Variants in DST observed in about 807,000 individuals in gnomAD.
DST encodes dystonin.
Under a neutral mutation model 875.2 loss-of-function variants are expected in DST, and 253 were observed. The observed-to-expected ratio is 0.29, with a 90% CI of 0.26 to 0.32. The LOEUF (loss-of-function observed/expected upper bound fraction) is 0.32, where lower values mean the gene tolerates loss of function less well. Ranked by LOEUF, DST falls within the 10% of genes least tolerant of loss-of-function variation. DST has a pLI of 1.00. For synonymous variants in DST, 3,124 were observed against 3,197.1 expected (o/e 0.98, Z 0.77); for missense variants, 8,287 against 9,111.6 (o/e 0.91, Z 3.68).
chr6:56,935,387 A>G (rs920279907), intron 2 of DST, among the ~76,000 whole-genome samples: 3 of 152,262 alleles, frequency 2.0e-5, no homozygotes, highest in Non-Finnish European at 4.4e-5. Context: ...CTCACTGCAG[A>G]GTGGGCAGTA....
rs141523606 is a variant in DST, at chr6:56,639,763, G to A, written c.2630C>T (p.Thr877Ile). ...KEAKISEIQM[T>I]APLKLTYAEK... ...TGCATAAGTCAGTTTAAGAGGTGCT[G>A]TCATTTGAATCTATAACATGAGATT... is the stretch of plus-strand genomic sequence containing the variant. Residue 877 changes from threonine to isoleucine, a missense_variant, in exon 20 of 104, where the codon ACA becomes ATA. Thr to Ile is a moderately conservative substitution (Grantham distance 89). This residue lies in a region of DST where 1,160 missense variants were observed against 1,424.3 expected (regional missense o/e 0.81). Transcript: ENST00000680361. The A allele has an allele frequency of 1.7e-4, 282 of 1,613,452 alleles. 1 individual carries two copies. In the East Asian group the frequency reaches 3.7e-3, roughly 21 times the overall value.
chr6:56,851,335 T>G (rs1765127932), intron 4 of DST, 62 bp downstream of exon 4: 9 of 1,486,446 alleles, frequency 6.1e-6, no homozygotes, highest in Non-Finnish European at 8.3e-6. Context: ...CCCCAGGAGG[T>G]AGATGGGCGA....
intron 4 of DST, among the ~76,000 whole-genome samples, chr6:56,787,862 G>A (rs1241092621): frequency 6.6e-6 from 1 of 151,956 alleles, no homozygotes; most frequent in African/African-American, 2.4e-5. Context: ...TTTGAGGCTG[G>A]GTGTGGTGGC....
chr6:56,470,381 C>T (rs574701237), intron 95 of DST, 99 bp from the exon 96 acceptor site: 551 of 943,146 alleles, frequency 5.8e-4, no homozygotes, highest in Non-Finnish European at 6.9e-4. Context: ...GTTAAATCAT[C>T]AGTGATCAAA....
intron 95 of DST, 35 bp from the exon 96 acceptor site, chr6:56,470,317 G>GAC (rs2094819422): frequency 6.6e-7 from 1 of 1,524,620 alleles, no homozygotes; most frequent in East Asian, 2.3e-5. Flanking sequence ...GTAGTGACTT[G>GAC]TTAGTTCTTT....
chr6:56,652,361 A>G (rs2098981071), intron 10 of DST, among the ~76,000 whole-genome samples: 1 of 152,232 alleles, frequency 6.6e-6, no homozygotes, highest in South Asian at 2.1e-4. Flanking sequence ...ATGTGGAAAC[A>G]GGAAAGCCTT....
intron 15 of DST, among the ~76,000 whole-genome samples, chr6:56,643,407 C>A (rs1425367865): frequency 6.6e-6 from 1 of 152,128 alleles, no homozygotes; most frequent in Non-Finnish European, 1.5e-5. Flanking sequence ...ATCCATTTAC[C>A]TTTCTTTATA....
At position 56,625,190 on chromosome 6, in the gene DST, T is replaced by G. The variant is rs764979351; in HGVS notation, c.4797A>C (p.Arg1599Ser). The change falls in exon 35 of 104, where the codon AGA becomes AGC. Residue 1599 changes from arginine to serine, a missense_variant. By Grantham distance (110) the Arg-to-Ser change is moderately radical. Transcript: ENST00000680361. ...TAATGAGATCTGCTGAACTCTGCAT[T>G]CTTCGGCGTTTCACTGGAGATTTTT... ...SQQKSPVKRRRMQSSADLIIQ... is the reference protein window; with the variant it reads ...SQQKSPVKRRSMQSSADLIIQ... 1 of 1,613,536 alleles carries G rather than the reference T, an allele frequency of 6.2e-7. No individual in the cohort carries two copies. The highest frequency in any genetic ancestry group is 1.7e-5 in the Admixed American group (1 of 60,016).
intron 3 of DST, among the ~76,000 whole-genome samples, chr6:56,864,699 T>C (rs1294075045): frequency 1.3e-5 from 2 of 152,214 alleles, no homozygotes; most frequent in East Asian, 1.9e-4. Context: ...TGTAATATGA[T>C]GCCTGCTCAG....
rs575534937 is a variant in DST, at chr6:56,477,210, G to A, written c.21675+135C>T. ...AGAGATTGTAATGCATACAAGAAGC[G>A]TATTTAAAAGAACGTTTTCTATGTA... On this transcript the variant is annotated intron_variant, in intron 91 of 103. Transcript: ENST00000680361. 1.5e-4 allele frequency: 138 copies of A among 945,922 alleles called. No individual in the cohort carries two copies. The East Asian group carries it at 2.4e-3, about 17-fold the overall frequency. The allele number at this position is 945,922 out of a possible 1,614,324, so 58.6% of individuals were successfully genotyped here. A position where few individuals can be genotyped will look rare whatever the true frequency, so the allele number is the denominator to read the frequency against.
intron 99 of DST, 58 bp downstream of exon 99, chr6:56,466,020 G>C (rs1041067644): frequency 7.3e-7 from 1 of 1,364,138 alleles, no homozygotes; most frequent in South Asian, 1.3e-5. Context: ...TTTTGGTGCT[G>C]GATATAATAT....
chr6:56,763,684 T>TACACACACAC (rs553580754), intron 4 of DST, among the ~76,000 whole-genome samples: 1,747 of 117,054 alleles, frequency 0.015, 39 homozygotes, highest in East Asian at 0.057. Flanking sequence ...AAAATACCTA[T>TACACACACAC]ACACACACAC....
chr6:56,636,421 T>A (rs1205005437), intron 23 of DST, 136 bp downstream of exon 23: 2 of 688,160 alleles, frequency 2.9e-6, no homozygotes, highest in African/African-American at 3.6e-5. Flanking sequence ...TACACACATA[T>A]ATGTGTATAT....
intron 37 of DST, among the ~76,000 whole-genome samples, chr6:56,612,035 T>A (rs1031827161): frequency 6.6e-6 from 1 of 152,020 alleles, no homozygotes; most frequent in Non-Finnish European, 1.5e-5. Flanking sequence ...TTTGAAAAAA[T>A]TATGGTGAAA....
At chr6:56,523,727 C>CT (rs1190053705) in intron 69 of DST, among the ~76,000 whole-genome samples, 3 of 152,136 alleles carry the variant, frequency 2.0e-5, no homozygotes, top group Non-Finnish European at 4.4e-5. Context: ...TAATTTAACT[C>CT]TCCCTGATTT....
At chr6:56,852,127 G>A (rs1765591489) in intron 3 of DST, 1 of 942,540 alleles carries the variant, frequency 1.1e-6, no homozygotes, top group South Asian at 4.9e-5. Flanking sequence ...GTTCTGACCA[G>A]TTTTAAGCCC....
intron 4 of DST, among the ~76,000 whole-genome samples, chr6:56,777,943 T>C (rs2152986129): frequency 6.6e-6 from 1 of 151,948 alleles, no homozygotes; most frequent in African/African-American, 2.4e-5. Flanking sequence ...GCTCAAGCAA[T>C]TCCCCCACCT....
intron 34 of DST, 28 bp from the exon 35 acceptor site, chr6:56,625,292 T>C (rs374091262): frequency 1.6e-4 from 228 of 1,404,302 alleles, no homozygotes; most frequent in Non-Finnish European, 2.2e-4. Context: ...TAAGATAAAA[T>C]GAATTGAAGC....
chr6:56,933,157 G>C (rs191711126), intron 2 of DST, among the ~76,000 whole-genome samples: 2 of 152,154 alleles, frequency 1.3e-5, no homozygotes, highest in East Asian at 3.9e-4. Context: ...CCAGAAACCA[G>C]AGCTAACAAT....
Sources: gnomAD v4.1 joint callset for allele counts (sites outside exome capture counted in the v4.1 genomes callset) on GRCh38, gnomAD v4.1.1 for gene constraint, gnomAD v4.1.1 regional missense constraint, MANE v1.5 for transcripts, NCBI Gene and HGNC (gene_info 2026-07-23, HGNC 2026-07-21) for gene names.